ITPR1: variants seen among roughly 807,000 people sequenced by gnomAD.
ITPR1 encodes the protein inositol 1,4,5-trisphosphate receptor type 1.
Under a neutral mutation model 318.4 loss-of-function variants are expected in ITPR1, and 96 were observed. The ratio of observed to expected loss-of-function variants is 0.30; its 90% confidence interval spans 0.26 to 0.36. ITPR1 has a LOEUF of 0.36. Among genes scored for constraint, ITPR1 ranks in the 10% least tolerant of loss-of-function variants. The probability of loss-of-function intolerance (pLI) is 1.00; values close to 1 mark genes in which losing one functional copy is unlikely to be tolerated. For synonymous variants in ITPR1, 1,312 were observed against 1,289.9 expected (o/e 1.02, Z -0.37); for missense variants, 2,440 against 3,460.2 (o/e 0.71, Z 7.40).
intron 24 of ITPR1, among the ~76,000 whole-genome samples, chr3:4,678,869 T>C (rs192095137): frequency 4.6e-5 from 7 of 152,230 alleles, no homozygotes; most frequent in African/African-American, 1.7e-4. Context: ...GAGGGGAAGT[T>C]GTCAGAAGTG....
intron 44 of ITPR1, among the ~76,000 whole-genome samples, chr3:4,738,435 C>G (rs2043439215): frequency 6.6e-6 from 1 of 152,174 alleles, no homozygotes; most frequent in Admixed American, 6.5e-5. Flanking sequence ...CCTGCTGATA[C>G]TTGGTAAATG....
rs570218484 is a variant in ITPR1 at position 4,620,724 on chromosome 3, G to C, written c.164-7039G>C. Among the ~76,000 whole-genome samples the C allele has an allele frequency of 3.4e-5, 5 of 145,858 alleles. No homozygotes were observed. In the East Asian group the frequency reaches 1.0e-3, roughly 30 times the overall value. ...TTGGTGGTAGTGAACAGTAAAGAGA[G>C]TAGAAAGGGCCTTTTTCTGCTCTGT... On this transcript the variant is annotated intron_variant, in intron 4 of 61. Transcript: ENST00000649015.
rs568489637 is a variant in ITPR1 at position 4,735,424 on chromosome 3, G to C, written c.5544+70G>C. 7.5e-6 allele frequency: 10 copies of C among 1,337,866 alleles called. No homozygotes were observed. The East Asian group carries it at 2.3e-4, about 31-fold the overall frequency. 82.9% of individuals were successfully genotyped at this position (1,337,866 alleles called of 1,614,324 possible). A position where few individuals can be genotyped will look rare whatever the true frequency, so the allele number is the denominator to read the frequency against. On this transcript the variant is annotated intron_variant, in intron 44 of 61. Transcript: ENST00000649015. Reference sequence around the variant, plus strand: ...GGAGGAGAGTCTGTTCTGGGAGCCAGATGTCTGGGTGGTACCAAGCCTTGT... The same window carrying C: ...GGAGGAGAGTCTGTTCTGGGAGCCACATGTCTGGGTGGTACCAAGCCTTGT...
intron 23 of ITPR1, among the ~76,000 whole-genome samples, chr3:4,676,063 A>G (rs541257176): frequency 6.6e-6 from 1 of 152,196 alleles, no homozygotes; most frequent in African/African-American, 2.4e-5. Context: ...AAATTTGGGC[A>G]GGGCATAGTG....
chr3:4,684,625 A>G (rs1404740882), intron 29 of ITPR1, among the ~76,000 whole-genome samples: 1 of 152,214 alleles, frequency 6.6e-6, no homozygotes, highest in Non-Finnish European at 1.5e-5. Flanking sequence ...TTACAATTGA[A>G]GGAAGGACTA....
At chr3:4,594,109 G>C (rs971086815) in intron 4 of ITPR1, among the ~76,000 whole-genome samples, 1 of 152,160 alleles carries the variant, frequency 6.6e-6, no homozygotes, top group Non-Finnish European at 1.5e-5. Flanking sequence ...TTGTTCATTG[G>C]CTTGGGGAGA....
intron 60 of ITPR1, among the ~76,000 whole-genome samples, chr3:4,823,358 C>A (rs1156360611): frequency 6.6e-6 from 1 of 151,954 alleles, no homozygotes; most frequent in East Asian, 1.9e-4. Context: ...TAAAGAAGAC[C>A]AAACAGTAAC....
Position 4,665,311 on chromosome 3 carries a change from T to C in ITPR1, c.1713+15T>C. 1 of 1,597,036 alleles carries C rather than the reference T, an allele frequency of 6.3e-7. No homozygotes were observed. The highest frequency in any genetic ancestry group is 8.6e-7 in the Non-Finnish European group (1 of 1,167,810). On this transcript the variant is annotated intron_variant, in intron 17 of 61. Coordinates refer to ENST00000649015, the MANE Select transcript of ITPR1 (RefSeq NM_001378452.1). ...GGAAGAACCAGGTTTGGATTAAGCATTGGTGGGATGTGGTTGTCAGTTTCC... is the reference window on the plus strand; with the variant it reads ...GGAAGAACCAGGTTTGGATTAAGCACTGGTGGGATGTGGTTGTCAGTTTCC...
rs1439038785 is a variant in ITPR1 at position 4,645,425 on chromosome 3, C to G, written c.663C>G (p.Val221=). 5 of 1,613,494 alleles carry G rather than the reference C, an allele frequency of 3.1e-6. No individual in the cohort carries two copies. The highest frequency in any genetic ancestry group is 3.4e-6 in the Non-Finnish European group (4 of 1,179,584). The change falls in exon 9 of 62, where the codon GTC becomes GTG. Residue 221 remains valine (V), a synonymous_variant. Transcript: ENST00000649015. The part of the protein sequence containing the change: ...SVNCNTSWKI[V]LFMKWSDNKD... Reference sequence around the variant, plus strand: ...ACTGCAATACAAGCTGGAAAATAGTCCTTTTCATGAAATGGAGTGATAACA... The same window carrying G: ...ACTGCAATACAAGCTGGAAAATAGTGCTTTTCATGAAATGGAGTGATAACA...
intron 30 of ITPR1, among the ~76,000 whole-genome samples, chr3:4,685,457 C>T (rs2094376824): frequency 6.6e-6 from 1 of 152,204 alleles, no homozygotes; most frequent in Non-Finnish European, 1.5e-5. Flanking sequence ...TCCATACTCC[C>T]AAGACATATT....
rs1056453799 is a variant in ITPR1 at position 4,508,462 on chromosome 3, T to G, written c.-16-8014T>G. ...GTGTAGGCGAAAATCAAGGTTTTTT[T>G]TTTTTTTTTTTTTTAAATGAATGTA... is the stretch of plus-strand genomic sequence containing the variant. On this transcript the variant is annotated intron_variant, in intron 2 of 61. Transcript: ENST00000649015. Among the ~76,000 whole-genome samples the G allele has an allele frequency of 1.7e-4, 25 of 151,322 alleles. No homozygotes were observed. The East Asian group carries it at 2.1e-3, about 13-fold the overall frequency.
chr3:4,722,727 G>T (rs1444214475), intron 40 of ITPR1, among the ~76,000 whole-genome samples: 3 of 128,892 alleles, frequency 2.3e-5, no homozygotes, highest in Non-Finnish European at 5.4e-5. Flanking sequence ...ACCATGTATG[G>T]CCTGGCCCCT....
At position 4,710,197 on chromosome 3, in the gene ITPR1, G is replaced by C; in HGVS notation, c.4843-128G>C. ...CAATGTCTAATAATTTGAGATGCCA[G>C]ACGGTACTAAAGTTACTCTAACCTA... On this transcript the variant is annotated intron_variant, in intron 37 of 61. Transcript: ENST00000649015. This position sits in a 1 kb window ranked among gnomAD's most constrained non-coding sequence, Gnocchi z 4.2. 1 of 772,054 alleles carries C rather than the reference G, an allele frequency of 1.3e-6. No homozygotes were observed. Among genetic ancestry groups the C allele is most frequent in the Non-Finnish European group, 1.9e-6 (1 of 540,502 alleles). 47.8% of individuals were successfully genotyped at this position (772,054 alleles called of 1,614,324 possible).
chr3:4,803,645 C>CA (rs984950324), intron 54 of ITPR1, among the ~76,000 whole-genome samples: 1 of 152,156 alleles, frequency 6.6e-6, no homozygotes, highest in African/African-American at 2.4e-5. Context: ...AAAAGAATTA[C>CA]ATAAACAACT....
chr3:4,707,396 C>A (rs920201531), intron 37 of ITPR1, among the ~76,000 whole-genome samples: 1 of 152,230 alleles, frequency 6.6e-6, no homozygotes, highest in African/African-American at 2.4e-5. Flanking sequence ...GGGACCTCAG[C>A]TGGAGTTGTC....
intron 4 of ITPR1, among the ~76,000 whole-genome samples, chr3:4,540,832 T>A (rs972817021): frequency 6.6e-6 from 1 of 152,192 alleles, no homozygotes; most frequent in Non-Finnish European, 1.5e-5. Flanking sequence ...TGCCTCAGGC[T>A]CCCAAAGTAC....
chr3:4,768,888 CT>C lies in ITPR1; in HGVS notation c.5979+132del, dbSNP rs1227972465. ...CTTGAGCCAAGGATCCAGCAAGGTT[CT>C]TTTTTTTCCTTTTTCTTTTTTCTTT... On this transcript the variant is annotated intron_variant, in intron 46 of 61. Transcript: ENST00000649015. 8.6e-5 allele frequency: 70 copies of C among 809,882 alleles called. No individual in the cohort carries two copies. The Middle Eastern group carries it at 9.1e-4, about 10-fold the overall frequency. 50.2% of individuals were successfully genotyped at this position (809,882 alleles called of 1,614,324 possible).
At chr3:4,560,258 T>C (rs898153180) in intron 4 of ITPR1, among the ~76,000 whole-genome samples, 1 of 152,188 alleles carries the variant, frequency 6.6e-6, no homozygotes, top group African/African-American at 2.4e-5. Flanking sequence ...TGTAGGCTAC[T>C]TTTTCTTATA....
rs1452917734 is a variant in ITPR1, at chr3:4,645,649, A to G, written c.776A>G (p.Lys259Arg). The G allele has an allele frequency of 6.2e-7, 1 of 1,613,484 alleles. No individual in the cohort carries two copies. Among genetic ancestry groups the G allele is most frequent in the Non-Finnish European group, 8.5e-7 (1 of 1,179,670 alleles). ...CTCACCTGTGACGAACACAGGAAGA[A>G]GCAGCACGTCTTCCTGAGAACCACG... ...KFLTCDEHRK[K>R]QHVFLRTTGR... The change falls in exon 10 of 62, where the codon AAG (lysine) becomes AGG (arginine). Residue 259 changes from lysine to arginine, a missense_variant. Physicochemically the swap from Lys to Arg is conservative, Grantham distance 26. Around this residue, in one of 23 missense-constraint regions of ITPR1, gnomAD observed 186 missense variants for 323.9 expected, o/e 0.57. Coordinates refer to ENST00000649015, the MANE Select transcript of ITPR1 (RefSeq NM_001378452.1).
Sources: gnomAD v4.1 joint callset for allele counts (sites outside exome capture counted in the v4.1 genomes callset) on GRCh38, gnomAD v4.1.1 for gene constraint, gnomAD v4.1.1 regional missense constraint, Gnocchi (gnomAD v3.1) non-coding constraint, MANE v1.5 for transcripts, NCBI Gene and HGNC (gene_info 2026-07-23, HGNC 2026-07-21) for gene names.